Variants in PCSK6 observed in about 807,000 individuals in gnomAD.
PCSK6 encodes the protein paired basic amino acid cleaving enzyme 4.
PCSK6 carries 85 observed loss-of-function variants against 123.3 expected under a neutral mutation model. That is an observed-to-expected ratio of 0.69 (90% CI 0.58 to 0.83). The LOEUF (loss-of-function observed/expected upper bound fraction) is 0.83. Ranked by LOEUF, PCSK6 falls within the 40% of genes least tolerant of loss-of-function variation. The probability of loss-of-function intolerance (pLI) is 0.00; values close to 1 mark genes in which losing one functional copy is unlikely to be tolerated. For synonymous variants in PCSK6, 508 were observed against 516.0 expected, an observed-to-expected ratio of 0.98 and a Z score of 0.21; for missense variants, 1,191 against 1,282.3, an observed-to-expected ratio of 0.93 and a Z score of 1.09.
intron 11 of PCSK6, among the ~76,000 whole-genome samples, chr15:101,374,115 G>A (rs139811162): frequency 5.9e-5 from 9 of 152,254 alleles, no homozygotes; most frequent in Admixed American, 3.3e-4. Context: ...CAAATGCCAC[G>A]TGCCACGCAG....
At chr15:101,347,655 C>T (rs2040770166) in intron 13 of PCSK6, 3 of 1,586,280 alleles carry the variant, frequency 1.9e-6, no homozygotes, top group Non-Finnish European at 2.6e-6. Context: ...CTCTGGACTT[C>T]CAAAGGCAGC....
At chr15:101,480,860 C>G (rs990299744) in intron 1 of PCSK6, among the ~76,000 whole-genome samples, 2 of 152,242 alleles carry the variant, frequency 1.3e-5, no homozygotes, top group South Asian at 4.2e-4. Context: ...CTCCAAAAAG[C>G]AAACGATTGG....
chr15:101,312,555 G>A lies in PCSK6; in HGVS notation c.2699+821C>T, dbSNP rs536061945. On this transcript the variant is annotated intron_variant, in intron 20 of 21. Transcript: ENST00000611716. ...AACTAAAAAAAATATTTTAGGCCAG[G>A]TGTGGTGGCTCACACCCGTAATCCC... 3.3e-5 allele frequency among the ~76,000 whole-genome samples: 5 copies of A among 152,340 alleles called. No homozygotes were observed. The East Asian group carries it at 5.8e-4, about 18-fold the overall frequency.
In PCSK6 at chr15:101,398,666, C is replaced by T. The variant is rs2042494661; in HGVS notation, c.824-90G>A. On this transcript the variant is annotated intron_variant, in intron 6 of 21. Transcript: ENST00000611716. This position sits in a 1 kb window ranked among gnomAD's most constrained non-coding sequence, Gnocchi z 4.6. Reference sequence around the variant, plus strand: ...GGCCCAGGAGGCTCGGATGAGGACACCGCATCACAGAGTCCCTCCCCAGCA... The same window carrying T: ...GGCCCAGGAGGCTCGGATGAGGACATCGCATCACAGAGTCCCTCCCCAGCA... 10 of 1,392,650 alleles carry T rather than the reference C, an allele frequency of 7.2e-6. No homozygotes were observed. The highest frequency in any genetic ancestry group is 7.8e-6 in the Non-Finnish European group (8 of 1,022,634). 86.3% of individuals were successfully genotyped at this position (1,392,650 alleles called of 1,614,324 possible).
intron 1 of PCSK6, among the ~76,000 whole-genome samples, chr15:101,450,707 G>T (rs2057012156): frequency 6.6e-6 from 1 of 152,156 alleles, no homozygotes; most frequent in African/African-American, 2.4e-5. Context: ...TCCAGAGGTG[G>T]GGTGAGCATG....
Position 101,304,118 on chromosome 15 carries a change from A to G in PCSK6, c.*1140T>C, listed in dbSNP as rs1200017826. ...GAGAAAGACGAGGTCGAAAAAATTT[A>G]AGGCAAATGTTACTTCCCTATTCAA... On this transcript the variant is annotated 3_prime_UTR_variant, in exon 22 of 22. Coordinates refer to ENST00000611716, the MANE Select transcript of PCSK6 (RefSeq NM_002570.5). 6.6e-6 allele frequency: 1 copy of G among 152,612 alleles called. No homozygotes were observed. The highest frequency in any genetic ancestry group is 1.5e-5 in the Non-Finnish European group (1 of 68,036). 9.5% of individuals were successfully genotyped at this position (152,612 alleles called of 1,614,324 possible). A position where few individuals can be genotyped will look rare whatever the true frequency, so the allele number is the denominator to read the frequency against.
At chr15:101,362,787 GAGTT>G (rs1342343623) in intron 13 of PCSK6, among the ~76,000 whole-genome samples, 1 of 152,236 alleles carries the variant, frequency 6.6e-6, no homozygotes, top group East Asian at 1.9e-4. Context: ...GTATTTGTAA[GAGTT>G]AGAGCCAGCA....
At chr15:101,480,477 G>A (rs1333068238) in intron 1 of PCSK6, among the ~76,000 whole-genome samples, 1 of 152,234 alleles carries the variant, frequency 6.6e-6, no homozygotes, top group Non-Finnish European at 1.5e-5. Context: ...GGTTGCCATG[G>A]GAACCCTAGG....
intron 11 of PCSK6, among the ~76,000 whole-genome samples, chr15:101,371,742 G>A (rs1159201932): frequency 6.6e-6 from 1 of 152,218 alleles, no homozygotes; most frequent in African/African-American, 2.4e-5. Flanking sequence ...AGGCCTCGCT[G>A]CCTCGAATGG....
intron 2 of PCSK6, among the ~76,000 whole-genome samples, chr15:101,434,881 AT>A (rs1474689114): frequency 6.6e-6 from 1 of 152,008 alleles, no homozygotes; most frequent in Non-Finnish European, 1.5e-5. Flanking sequence ...GGGATCCCGG[AT>A]CCCACCTCCT....
chr15:101,483,264 G>A (rs1276385751), intron 1 of PCSK6, among the ~76,000 whole-genome samples: 1 of 152,196 alleles, frequency 6.6e-6, no homozygotes, highest in African/African-American at 2.4e-5. Context: ...TTAACACCTG[G>A]TTAAGGCTTC....
chr15:101,354,604 C>T (rs1373066210), intron 13 of PCSK6, among the ~76,000 whole-genome samples: 4 of 152,378 alleles, frequency 2.6e-5, no homozygotes, highest in Admixed American at 2.0e-4. Context: ...CTCAGACAGT[C>T]TTGCATTCTG....
chr15:101,358,293 T>C (rs2041106308), intron 13 of PCSK6, among the ~76,000 whole-genome samples: 1 of 152,156 alleles, frequency 6.6e-6, no homozygotes, highest in Non-Finnish European at 1.5e-5. Flanking sequence ...GTATTTTCTA[T>C]GCTACTAAGA....
intron 1 of PCSK6, among the ~76,000 whole-genome samples, chr15:101,473,678 G>C (rs1973403): frequency 0.54 from 82,202 of 151,956 alleles, 23,318 homozygotes; most frequent in Non-Finnish European, 0.64. Context: ...AGGAGTTCAA[G>C]ACCAGCCTGG....
chr15:101,438,085 C>T (rs1001789690), intron 2 of PCSK6, among the ~76,000 whole-genome samples: 4 of 152,158 alleles, frequency 2.6e-5, no homozygotes, highest in African/African-American at 7.2e-5. Context: ...ACCCTGCCAA[C>T]GCCGTAATCT....
chr15:101,486,184 G>A lies in PCSK6; in HGVS notation c.297+3190C>T, dbSNP rs530183962. On this transcript the variant is annotated intron_variant, in intron 1 of 21. Transcript: ENST00000611716. Reference sequence around the variant, plus strand: ...TCTCCATGTTGGTCTGGCTGGTCTCGAACTCCTGACCTCAGGTGATCCGCC... The same window carrying A: ...TCTCCATGTTGGTCTGGCTGGTCTCAAACTCCTGACCTCAGGTGATCCGCC... Among the ~76,000 whole-genome samples the A allele has an allele frequency of 6.0e-4, 91 of 151,962 alleles. 2 individuals carry two copies. The South Asian group carries it at 0.017, about 28-fold the overall frequency.
chr15:101,334,730 C>T (rs2040439384), intron 13 of PCSK6, among the ~76,000 whole-genome samples: 1 of 152,172 alleles, frequency 6.6e-6, no homozygotes, highest in South Asian at 2.1e-4. Context: ...CACAAAAGGC[C>T]TGGTCACCAA....
intron 1 of PCSK6, among the ~76,000 whole-genome samples, chr15:101,467,274 CTTTT>C (rs36020493): frequency 7.0e-6 from 1 of 141,942 alleles, no homozygotes. Context: ...AGCAACAATT[CTTTT>C]TTTTTTTTTT....
At chr15:101,313,640 C>A in intron 19 of PCSK6, 135 bp from the exon 20 acceptor site, 1 of 1,370,378 alleles carries the variant, frequency 7.3e-7, no homozygotes, top group East Asian at 2.4e-5. Context: ...TGCCATTTCC[C>A]AGGTTCTGTG....
Sources: allele counts gnomAD v4.1 joint callset (sites outside exome capture counted in the v4.1 genomes callset), GRCh38; gene constraint gnomAD v4.1.1; non-coding constraint Gnocchi (gnomAD v3.1); transcripts MANE v1.5; gene names NCBI Gene and HGNC (gene_info 2026-07-23, HGNC 2026-07-21).